Variants in GPC6 observed in about 807,000 individuals in gnomAD.
The protein encoded by GPC6 is glypican 6, also known as glypican-6.
GPC6 carries 14 observed loss-of-function variants against 55.2 expected under a neutral mutation model. That is an observed-to-expected ratio of 0.25 (90% CI 0.17 to 0.40). The LOEUF (loss-of-function observed/expected upper bound fraction) is 0.40, where lower values mean the gene tolerates loss of function less well. Among genes scored for constraint, GPC6 ranks in the 10% least tolerant of loss-of-function variants. The pLI is 1.00. For synonymous variants in GPC6, 278 were observed against 259.6 expected (o/e 1.07, Z -0.68); for missense variants, 641 against 708.5 (o/e 0.90, Z 1.08).
chr13:93,873,653 C>T (rs1034218968), intron 3 of GPC6, among the ~76,000 whole-genome samples: 4 of 151,780 alleles, frequency 2.6e-5, no homozygotes, highest in African/African-American at 9.7e-5. Context: ...TGATGCAGAC[C>T]GATCTGGAGC....
Position 94,402,998 on chromosome 13 carries a change from C to T in GPC6, c.1466-17C>T, listed in dbSNP as rs376764923. On this transcript the variant is annotated splice_polypyrimidine_tract_variant and intron_variant, in intron 8 of 8. Transcript: ENST00000377047. ...ATATCAGTGGTCTAACTTTCTTTTT[C>T]AATCTTTCCACACTAGGTGATGAAT... 3 of 1,581,040 alleles carry T rather than the reference C, an allele frequency of 1.9e-6. No individual in the cohort carries two copies. The Admixed American group carries it at 5.0e-5, about 26-fold the overall frequency.
intron 3 of GPC6, among the ~76,000 whole-genome samples, chr13:93,849,055 C>G (rs1228411301): frequency 1.3e-5 from 2 of 152,106 alleles, no homozygotes; most frequent in African/African-American, 4.8e-5. Flanking sequence ...ATACAGTGGG[C>G]CTTCCCAACC....
At chr13:93,713,097 C>T (rs1346620725) in intron 2 of GPC6, among the ~76,000 whole-genome samples, 1 of 151,386 alleles carries the variant, frequency 6.6e-6, no homozygotes, top group Non-Finnish European at 1.5e-5. Flanking sequence ...TTTGATTAAA[C>T]AGAAATTAAA....
intron 5 of GPC6, among the ~76,000 whole-genome samples, chr13:94,295,027 C>A (rs1275419864): frequency 1.3e-5 from 2 of 152,024 alleles, no homozygotes; most frequent in East Asian, 3.9e-4. Flanking sequence ...AATATAATGC[C>A]AGAGAGACTT....
At chr13:94,164,170 A>G (rs533999251) in intron 4 of GPC6, among the ~76,000 whole-genome samples, 1 of 152,044 alleles carries the variant, frequency 6.6e-6, no homozygotes, top group South Asian at 2.1e-4. Context: ...AACTTTGAAT[A>G]CTCGTTTTAT....
At chr13:93,944,614 C>T (rs1022170570) in intron 3 of GPC6, among the ~76,000 whole-genome samples, 1 of 152,164 alleles carries the variant, frequency 6.6e-6, no homozygotes, top group Non-Finnish European at 1.5e-5. Context: ...AAAGAAATCC[C>T]AATCACATGT....
At chr13:94,294,199 C>T (rs558551763) in intron 5 of GPC6, among the ~76,000 whole-genome samples, 30 of 152,118 alleles carry the variant, frequency 2.0e-4, no homozygotes, top group Admixed American at 4.6e-4. Context: ...AAACTGATCT[C>T]ACTAGATATC....
chr13:93,367,395 A>G (rs1403917841), intron 1 of GPC6, among the ~76,000 whole-genome samples: 4 of 152,018 alleles, frequency 2.6e-5, no homozygotes, highest in African/African-American at 9.7e-5. Context: ...GTTTCCAAAG[A>G]TTCAGCTTTT....
At chr13:93,886,760 G>GTT (rs34144264) in intron 3 of GPC6, among the ~76,000 whole-genome samples, 14 of 119,104 alleles carry the variant, frequency 1.2e-4, no homozygotes, top group South Asian at 2.6e-4. Context: ...TTTTTTTTTT[G>GTT]TTTTTTTTTT....
chr13:93,571,060 T>A (rs1876379857), intron 2 of GPC6, among the ~76,000 whole-genome samples: 1 of 152,058 alleles, frequency 6.6e-6, no homozygotes, highest in African/African-American at 2.4e-5. Flanking sequence ...AATTGTGAAA[T>A]TCTAATCAAG....
At chr13:93,296,527 T>C (rs76849816) in intron 1 of GPC6, among the ~76,000 whole-genome samples, 2,367 of 152,170 alleles carry the variant, frequency 0.016, 56 homozygotes, top group African/African-American at 0.055. Context: ...TTCTTTCTGC[T>C]TGAGACTCTG....
chr13:93,275,531 C>G (rs889836425), intron 1 of GPC6, among the ~76,000 whole-genome samples: 5 of 152,116 alleles, frequency 3.3e-5, no homozygotes, highest in Non-Finnish European at 2.9e-5. Context: ...GGCTAGATGG[C>G]TTAGGGGACA....
At chr13:94,367,639 A>G (rs1325366275) in intron 6 of GPC6, among the ~76,000 whole-genome samples, 1 of 151,652 alleles carries the variant, frequency 6.6e-6, no homozygotes, top group Admixed American at 6.6e-5. Context: ...TGCCCTTAAT[A>G]TGGTGTGATC....
intron 3 of GPC6, among the ~76,000 whole-genome samples, chr13:93,896,993 T>C (rs1876050267): frequency 6.6e-6 from 1 of 151,930 alleles, no homozygotes; most frequent in Non-Finnish European, 1.5e-5. Context: ...TTCTTTTTTT[T>C]TTTTTTTAAC....
chr13:93,830,425 C>T lies in GPC6; in HGVS notation c.591C>T (p.Leu197=). 6.2e-7 allele frequency: 1 copy of T among 1,613,890 alleles called. No individual in the cohort carries two copies. Among genetic ancestry groups the T allele is most frequent in the Non-Finnish European group, 8.5e-7 (1 of 1,179,944 alleles). The change falls in exon 3 of 9, where the codon CTC becomes CTT. Residue 197 remains leucine (L), a synonymous_variant. Transcript: ENST00000377047. ...LECVSKYTDQ[L]KPFGDVPRKL... is the part of the protein sequence containing the mutation. ...GTGTGAGCAAATACACTGACCAGCTCAAGCCATTTGGAGACGTGCCCCGGA... is the reference window on the plus strand; with the variant it reads ...GTGTGAGCAAATACACTGACCAGCTTAAGCCATTTGGAGACGTGCCCCGGA...
intron 3 of GPC6, among the ~76,000 whole-genome samples, chr13:93,979,272 A>G (rs1340526175): frequency 7.4e-6 from 1 of 134,710 alleles, no homozygotes; most frequent in Non-Finnish European, 1.6e-5. Flanking sequence ...CAGCACAAAG[A>G]CACTTCTTTT....
chr13:94,255,382 C>T (rs887358712), intron 4 of GPC6, among the ~76,000 whole-genome samples: 8 of 152,176 alleles, frequency 5.3e-5, no homozygotes, highest in African/African-American at 1.9e-4. Context: ...ATCTTAAATC[C>T]CATTTTGGAA....
chr13:94,301,741 A>G (rs1875660990), intron 5 of GPC6, among the ~76,000 whole-genome samples: 1 of 152,168 alleles, frequency 6.6e-6, no homozygotes, highest in Non-Finnish European at 1.5e-5. Context: ...CCACCTATAT[A>G]TACTTGTCCT....
At chr13:94,373,858 C>G (rs1390434633) in intron 6 of GPC6, among the ~76,000 whole-genome samples, 1 of 152,168 alleles carries the variant, frequency 6.6e-6, no homozygotes, top group Non-Finnish European at 1.5e-5. Flanking sequence ...AGACTAACAG[C>G]GGATCTCTCG....
Sources: gnomAD v4.1 joint callset for allele counts (sites outside exome capture counted in the v4.1 genomes callset) on GRCh38, gnomAD v4.1.1 for gene constraint, MANE v1.5 for transcripts, NCBI Gene and HGNC (gene_info 2026-07-23, HGNC 2026-07-21) for gene names.